PRKAG2: variants seen among roughly 807,000 people sequenced by gnomAD.
PRKAG2 encodes the protein 5'-AMP-activated protein kinase subunit gamma-2.
In PRKAG2, 26 loss-of-function variants were observed where a neutral mutation model predicts 69.6. The observed-to-expected ratio is 0.37, with a 90% CI of 0.27 to 0.52. The LOEUF is 0.52. PRKAG2 is among the 20% of genes least tolerant of loss of function. The probability of loss-of-function intolerance (pLI) is 0.90; values close to 1 mark genes in which losing one functional copy is unlikely to be tolerated. For missense variants in PRKAG2, 557 were observed against 740.0 expected, an observed-to-expected ratio of 0.75 and a Z score of 2.87; for synonymous variants, 293 against 285.0, an observed-to-expected ratio of 1.03 and a Z score of -0.28.
At position 151,832,212 on chromosome 7, in the gene PRKAG2, A is replaced by AGAGGAGGG. The variant is rs1223412651; in HGVS notation, c.114+44287_114+44294dup. ...CACTAGTGACTGATTAGAGGGAGGAAGAGGAGGGGAGGAGGGAAGGAGAGG... is the reference window on the plus strand; with the variant it reads ...CACTAGTGACTGATTAGAGGGAGGAAGAGGAGGGGAGGAGGGGAGGAGGGAAGGAGAGG... On this transcript the variant is annotated intron_variant, in intron 1 of 15. Transcript: ENST00000287878. Among the ~76,000 whole-genome samples the AGAGGAGGG allele has an allele frequency of 4.4e-4, 51 of 115,892 alleles. 2 individuals are homozygous for AGAGGAGGG. Among genetic ancestry groups the AGAGGAGGG allele is most frequent in the Admixed American group, 1.0e-3 (12 of 11,504 alleles). 76.0% of individuals were successfully genotyped at this position (115,892 alleles called of 152,430 possible). A position where few individuals can be genotyped will look rare whatever the true frequency, so the allele number is the denominator to read the frequency against.
chr7:151,761,604 A>G (rs1239613459), intron 3 of PRKAG2, among the ~76,000 whole-genome samples: 1 of 152,160 alleles, frequency 6.6e-6, no homozygotes, highest in Non-Finnish European at 1.5e-5. Flanking sequence ...CTATCCATGA[A>G]AACTGCTAAC....
intron 3 of PRKAG2, among the ~76,000 whole-genome samples, chr7:151,704,610 G>A (rs1435690112): frequency 1.3e-5 from 2 of 152,182 alleles, no homozygotes; most frequent in South Asian, 2.1e-4. Context: ...CCCCAGAATT[G>A]CTGCTTGCTT....
At chr7:151,764,398 T>C (rs1396209502) in intron 3 of PRKAG2, among the ~76,000 whole-genome samples, 1 of 152,162 alleles carries the variant, frequency 6.6e-6, no homozygotes, top group Non-Finnish European at 1.5e-5. Context: ...GGATGCTTTT[T>C]CATTTTGCTA....
chr7:151,845,906 A>T (rs2079419962), intron 1 of PRKAG2, among the ~76,000 whole-genome samples: 1 of 152,024 alleles, frequency 6.6e-6, no homozygotes, highest in South Asian at 2.1e-4. Context: ...TGGGGGCTGG[A>T]TTTTCACACA....
chr7:151,874,276 G>GAT (rs777718775), intron 1 of PRKAG2, among the ~76,000 whole-genome samples: 4 of 82,418 alleles, frequency 4.9e-5, no homozygotes, highest in Admixed American at 1.4e-4. Context: ...ATATGTATAT[G>GAT]ATATATATGT....
At chr7:151,584,909 A>G (rs1007309591) in intron 6 of PRKAG2, among the ~76,000 whole-genome samples, 3 of 152,120 alleles carry the variant, frequency 2.0e-5, no homozygotes, top group Non-Finnish European at 2.9e-5. Context: ...AAATAAATAA[A>G]TAAATAAAAA....
intron 3 of PRKAG2, chr7:151,735,879 C>T (rs1231659715): frequency 1.0e-5 from 16 of 1,536,020 alleles, no homozygotes; most frequent in East Asian, 7.3e-5. Flanking sequence ...ACCAGGGGCT[C>T]GGGAATGGGC....
chr7:151,767,078 T>G (rs2151769260), intron 3 of PRKAG2, among the ~76,000 whole-genome samples: 1 of 152,210 alleles, frequency 6.6e-6, no homozygotes, highest in East Asian at 1.9e-4. Context: ...AGGGGAAATT[T>G]GAACACAGAG....
chr7:151,727,215 CAA>C (rs57353138), intron 3 of PRKAG2, among the ~76,000 whole-genome samples: 12,392 of 145,534 alleles, frequency 0.085, 1,215 homozygotes, highest in African/African-American at 0.23. Flanking sequence ...AACTCAGTCT[CAA>C]AAAAAAAAAC....
Position 151,777,599 on chromosome 7 carries a change from C to T in PRKAG2, c.466+3553G>A, listed in dbSNP as rs1039240652. 6.6e-6 allele frequency among the ~76,000 whole-genome samples: 1 copy of T among 152,184 alleles called. No homozygotes were observed. Among genetic ancestry groups the T allele is most frequent in the African/African-American group, 2.4e-5 (1 of 41,452 alleles). On this transcript the variant is annotated intron_variant, in intron 3 of 15. Transcript: ENST00000287878. The surrounding 1 kb of genome is among the most constrained non-coding windows in gnomAD (Gnocchi z 4.3). ...CGCCTTCCTCCATGAGTGGAAGCAG[C>T]CTGAAGCCCTTGCAAACACCTTGGC...
chr7:151,712,397 C>T (rs1263445154), intron 3 of PRKAG2, among the ~76,000 whole-genome samples: 1 of 152,226 alleles, frequency 6.6e-6, no homozygotes, highest in Non-Finnish European at 1.5e-5. Flanking sequence ...CACTCCCTGG[C>T]AGTGACTCTA....
In PRKAG2 at chr7:151,791,930, C is replaced by T. The variant is rs570463495; in HGVS notation, c.115-5389G>A. ...TAGGAAAGACAAGTGGTATCATCCC[C>T]GACTATAGATGAAGATACTGAGGGT... On this transcript the variant is annotated intron_variant, in intron 1 of 15. Coordinates refer to ENST00000287878, the MANE Select transcript of PRKAG2 (RefSeq NM_016203.4). Among the ~76,000 whole-genome samples the T allele has an allele frequency of 3.9e-5, 6 of 152,312 alleles. No individual in the cohort carries two copies. The East Asian group carries it at 7.7e-4, about 20-fold the overall frequency.
At chr7:151,821,553 A>T (rs1183783124) in intron 1 of PRKAG2, among the ~76,000 whole-genome samples, 1 of 152,210 alleles carries the variant, frequency 6.6e-6, no homozygotes, top group Admixed American at 6.5e-5. Flanking sequence ...GTCGTTTAGC[A>T]TGCACAAGGC....
At chr7:151,660,981 T>C (rs1230821985) in intron 4 of PRKAG2, among the ~76,000 whole-genome samples, 1 of 152,264 alleles carries the variant, frequency 6.6e-6, no homozygotes, top group Non-Finnish European at 1.5e-5. Context: ...ATGCTCACAC[T>C]GTGGTGTAAC....
chr7:151,742,877 A>C (rs2151716092), intron 3 of PRKAG2, among the ~76,000 whole-genome samples: 1 of 152,270 alleles, frequency 6.6e-6, no homozygotes, highest in East Asian at 1.9e-4. Flanking sequence ...AATTCCTTAC[A>C]TGAGGGACAA....
intron 4 of PRKAG2, 163 bp downstream of exon 4, chr7:151,675,257 C>T (rs1832720981): frequency 1.3e-6 from 1 of 788,608 alleles, no homozygotes; most frequent in Admixed American, 2.0e-5. Context: ...TGTGCCCTCA[C>T]CATTTCTCCC....
At position 151,807,574 on chromosome 7, in the gene PRKAG2, C is replaced by T. The variant is rs1434387770; in HGVS notation, c.115-21033G>A. The T allele has an allele frequency of 2.2e-6, 1 of 457,866 alleles. No homozygotes were observed. Among genetic ancestry groups the T allele is most frequent in the South Asian group, 1.5e-5 (1 of 64,570 alleles). The allele number at this position is 457,866 out of a possible 1,614,324, so 28.4% of individuals were successfully genotyped here. A position where few individuals can be genotyped will look rare whatever the true frequency, so the allele number is the denominator to read the frequency against. ...CCTTCCAGAACCCAGCGTAGATGCA[C>T]AGCTGCCACGGAGGTAGGAAGAATG... On this transcript the variant is annotated intron_variant, in intron 1 of 15. Coordinates refer to ENST00000287878, the MANE Select transcript of PRKAG2 (RefSeq NM_016203.4). This position sits in a 1 kb window ranked among gnomAD's most constrained non-coding sequence, Gnocchi z 4.4.
intron 3 of PRKAG2, among the ~76,000 whole-genome samples, chr7:151,755,924 C>T (rs973886897): frequency 6.6e-6 from 1 of 152,228 alleles, no homozygotes; most frequent in Non-Finnish European, 1.5e-5. Flanking sequence ...TATAAATCAC[C>T]TGTGCACACC....
intron 3 of PRKAG2, among the ~76,000 whole-genome samples, chr7:151,728,202 G>A (rs1207120951): frequency 6.6e-6 from 1 of 152,162 alleles, no homozygotes; most frequent in African/African-American, 2.4e-5. Flanking sequence ...AGCAGCACCA[G>A]AGACTGCCTT....
Sources: gnomAD v4.1 joint callset for allele counts (sites outside exome capture counted in the v4.1 genomes callset) on GRCh38, gnomAD v4.1.1 for gene constraint, Gnocchi (gnomAD v3.1) non-coding constraint, MANE v1.5 for transcripts, NCBI Gene and HGNC (gene_info 2026-07-23, HGNC 2026-07-21) for gene names.